Variants in ZNF324 observed in about 807,000 individuals in gnomAD.
The protein encoded by ZNF324 is zinc finger protein 324A.
ZNF324 carries 3 observed loss-of-function variants against 10.3 expected under a neutral mutation model. The observed-to-expected ratio is 0.29, with a 90% confidence interval of 0.13 to 0.75. The LOEUF is 0.75. Among genes scored for constraint, ZNF324 ranks in the 30% least tolerant of loss-of-function variants. ZNF324 has a pLI of 0.69. For missense variants in ZNF324, 763 were observed against 784.4 expected, an observed-to-expected ratio of 0.97 and a Z score of 0.33; for synonymous variants, 430 against 339.5, an observed-to-expected ratio of 1.27 and a Z score of -2.93.
At position 58,472,474 on chromosome 19, in the gene ZNF324, T is replaced by C. The variant is rs114922536; in HGVS notation, c.*320T>C. 8.2e-4 allele frequency: 280 copies of C among 342,492 alleles called. No individual in the cohort carries two copies. The highest frequency in any genetic ancestry group is 5.1e-3 in the African/African-American group (245 of 48,440). 21.2% of individuals were successfully genotyped at this position (342,492 alleles called of 1,614,324 possible). ...TGCACTGTGGTGCGGCTTCATGTGA[T>C]ATGACAGTGGATGCTAAGGTGAGAG... On this transcript the variant is annotated 3_prime_UTR_variant, in exon 4 of 4. Transcript: ENST00000196482.
Position 58,471,407 on chromosome 19 carries a change from C to G in ZNF324, c.915C>G (p.Arg305=). The G allele has an allele frequency of 6.2e-7, 1 of 1,612,888 alleles. No homozygotes were observed. The highest frequency in any genetic ancestry group is 1.1e-5 in the South Asian group (1 of 90,992). ...SQTSHLTQHQ[R]IHSGETPYAC... ...CGTCGCACTTGACGCAGCACCAGCG[C>G]ATCCACAGCGGCGAGACGCCCTACG... Residue 305 remains arginine (R), a synonymous_variant, in exon 4 of 4, where the codon CGC becomes CGG. Transcript: ENST00000196482.
intron 1 of ZNF324, chr19:58,468,209 G>A: frequency 2.0e-6 from 2 of 985,412 alleles, no homozygotes; most frequent in South Asian, 4.7e-5. Context: ...CACTGGACCT[G>A]ACGTTGTTGG....
rs537325408 is a variant in ZNF324 at position 58,470,963 on chromosome 19, C to T, written c.471C>T (p.Ser157=). The T allele has an allele frequency of 1.3e-5, 21 of 1,614,218 alleles. No homozygotes were observed. The highest frequency in any genetic ancestry group is 8.9e-5 in the East Asian group (4 of 44,880). The change falls in exon 4 of 4, where the codon AGC becomes AGT. Residue 157 remains serine, a synonymous_variant. Transcript: ENST00000196482. ...LLLGSGSGQA[S]VSLRLTSPLR... ...TAGGCTCAGGCAGTGGGCAAGCCAG[C>T]GTCAGCCTGCGACTGACCTCCCCGC... is the stretch of plus-strand genomic sequence containing the variant.
In ZNF324 at chr19:58,471,461, G is replaced by T. The variant is rs1003455203; in HGVS notation, c.969G>T (p.Arg323=). The T allele has an allele frequency of 1.3e-6, 2 of 1,599,122 alleles. No individual in the cohort carries two copies. Among genetic ancestry groups the T allele is most frequent in the African/African-American group, 2.7e-5 (2 of 74,322 alleles). ...GCCCCGTGTGCGGCAAGGCCTTCCG[G>T]CATAGCTCCTCGCTGGTGCGGCACC... ...YACPVCGKAF[R]HSSSLVRHQR... The change falls in exon 4 of 4, where the codon CGG becomes CGT. Residue 323 remains arginine (R), a synonymous_variant. Coordinates refer to ENST00000196482, the MANE Select transcript of ZNF324 (RefSeq NM_014347.3).
At chr19:58,469,042 G>A (rs1349704200) in intron 1 of ZNF324, 138 bp from the exon 2 acceptor site, 1 of 1,009,818 alleles carries the variant, frequency 9.9e-7, no homozygotes, top group Non-Finnish European at 1.4e-6. Flanking sequence ...ATTTTTTTTA[G>A]CTCATCAGCT....
At chr19:58,470,250 A>C (rs971394545) in intron 3 of ZNF324, among the ~76,000 whole-genome samples, 1 of 151,976 alleles carries the variant, frequency 6.6e-6, no homozygotes, top group African/African-American at 2.4e-5. Context: ...AATCAGGACG[A>C]CCCTGGTCCT....
At chr19:58,469,048 C>T in intron 1 of ZNF324, 132 bp from the exon 2 acceptor site, 2 of 1,062,574 alleles carry the variant, frequency 1.9e-6, no homozygotes, top group East Asian at 2.5e-5. Flanking sequence ...TTTAGCTCAT[C>T]AGCTGTTATT....
At position 58,471,705 on chromosome 19, in the gene ZNF324, G is replaced by C. The variant is rs779561350; in HGVS notation, c.1213G>C (p.Ala405Pro). 1.2e-6 allele frequency: 2 copies of C among 1,612,574 alleles called. No individual in the cohort carries two copies. The highest frequency in any genetic ancestry group is 1.3e-5 in the African/African-American group (1 of 75,046). The change falls in exon 4 of 4, where the codon GCC becomes CCC. Residue 405 changes from alanine to proline, a missense_variant. By Grantham distance (27) the Ala-to-Pro change is conservative. This residue lies in a region of ZNF324 where 153 missense variants were observed against 269.0 expected (regional missense o/e 0.57). Transcript: ENST00000196482. ...CTTCGTGTGCGCGCTCTGCGGTGCT[G>C]CCTTCAGCCAGGGCTCCTCGCTCTT... ...KPFVCALCGA[A>P]FSQGSSLFKH...
intron 3 of ZNF324, chr19:58,470,460 T>A (rs1271021411): frequency 3.4e-6 from 2 of 588,242 alleles, no homozygotes; most frequent in East Asian, 6.1e-5. Context: ...GTATGCAGCA[T>A]ACAGCAGCCG....
Position 58,469,858 on chromosome 19 carries a change from C to T in ZNF324, c.238+14C>T, listed in dbSNP as rs749893714. The T allele has an allele frequency of 1.3e-5, 21 of 1,588,414 alleles. No homozygotes were observed. In the South Asian group the frequency reaches 2.4e-4, roughly 18 times the overall value. ...GGCGCAACCCTGGTGAGAGGGAGCT[C>T]AGGGTGGGGTGAATTCAGGACCAAC... On this transcript the variant is annotated intron_variant, in intron 3 of 3. Coordinates refer to ENST00000196482, the MANE Select transcript of ZNF324 (RefSeq NM_014347.3).
rs1422687063 is a variant in ZNF324, at chr19:58,474,535, C to T, written c.*2381C>T. Reference sequence around the variant, plus strand: ...AGTTTGTCCACCCTCCTCCAATCTTCCCCTCCCCAAACCCATGACTGATCA... The same window carrying T: ...AGTTTGTCCACCCTCCTCCAATCTTTCCCTCCCCAAACCCATGACTGATCA... On this transcript the variant is annotated 3_prime_UTR_variant, in exon 4 of 4. Transcript: ENST00000196482. 1.3e-5 allele frequency: 2 copies of T among 152,112 alleles called. No individual in the cohort carries two copies. The highest frequency in any genetic ancestry group is 3.9e-4 in the East Asian group (2 of 5,156). 9.4% of individuals were successfully genotyped at this position (152,112 alleles called of 1,614,324 possible).
chr19:58,474,423 G>A lies in ZNF324; in HGVS notation c.*2269G>A, dbSNP rs901531937. ...CTGAGCCCGCCTGACCCCTTAGGCT[G>A]GGCTCAGTACCCTACCTTGTCTTCC... On this transcript the variant is annotated 3_prime_UTR_variant, in exon 4 of 4. Transcript: ENST00000196482. The A allele has an allele frequency of 6.6e-6, 1 of 152,102 alleles. No homozygotes were observed. The highest frequency in any genetic ancestry group is 1.5e-5 in the Non-Finnish European group (1 of 68,048). 9.4% of individuals were successfully genotyped at this position (152,102 alleles called of 1,614,324 possible). A position where few individuals can be genotyped will look rare whatever the true frequency, so the allele number is the denominator to read the frequency against.
In ZNF324 at chr19:58,473,282, C is replaced by T. The variant is rs994037449; in HGVS notation, c.*1128C>T. 6.6e-6 allele frequency: 1 copy of T among 152,646 alleles called. No individual in the cohort carries two copies. Among genetic ancestry groups the T allele is most frequent in the Non-Finnish European group, 1.5e-5 (1 of 68,120 alleles). 9.5% of individuals were successfully genotyped at this position (152,646 alleles called of 1,614,324 possible). On this transcript the variant is annotated 3_prime_UTR_variant, in exon 4 of 4. Transcript: ENST00000196482. The stretch of plus-strand genomic sequence containing the variant: ...CACCCTCCTGAGGACCTCCCCACCC[C>T]AGTGTAATGGCCCTTCATGGCAGGG...
At position 58,472,042 on chromosome 19, in the gene ZNF324, A is replaced by AC. The variant is rs1568613116; in HGVS notation, c.1555dup (p.Gln519ProfsTer116). On this transcript the variant is annotated frameshift_variant, in exon 4 of 4. Coordinates refer to ENST00000196482, the MANE Select transcript of ZNF324 (RefSeq NM_014347.3). LOFTEE classifies it low-confidence loss of function (END_TRUNC). ...GTCCGGCGATCCAGGGCCAGCCTGC[A>AC]CCCCCAGGCCAGGTCTGTTGCCGGG... 1.9e-6 allele frequency: 3 copies of AC among 1,606,214 alleles called. No individual in the cohort carries two copies. The highest frequency in any genetic ancestry group is 2.5e-6 in the Non-Finnish European group (3 of 1,179,492).
chr19:58,472,397 C>T lies in ZNF324; in HGVS notation c.*243C>T, dbSNP rs900262949. ...AGGGGGAGGACGTGGTGGCTGAACT[C>T]TAGTGGGGCCGAGACTATTCAGAGC... On this transcript the variant is annotated 3_prime_UTR_variant, in exon 4 of 4. Transcript: ENST00000196482. 37 of 544,630 alleles carry T rather than the reference C, an allele frequency of 6.8e-5. No individual in the cohort carries two copies. The highest frequency in any genetic ancestry group is 1.3e-4 in the Admixed American group (4 of 31,326). The allele number at this position is 544,630 out of a possible 1,614,324, so 33.7% of individuals were successfully genotyped here. A position where few individuals can be genotyped will look rare whatever the true frequency, so the allele number is the denominator to read the frequency against.
intron 1 of ZNF324, among the ~76,000 whole-genome samples, chr19:58,468,789 G>A (rs1455512487): frequency 6.6e-6 from 1 of 152,120 alleles, no homozygotes; most frequent in Non-Finnish European, 1.5e-5. Flanking sequence ...GGAGGGCAGA[G>A]GGGAGGGGTC....
chr19:58,469,594 CTGTGCCA>C, intron 2 of ZNF324, 127 bp from the exon 3 acceptor site: 1 of 802,836 alleles, frequency 1.2e-6, no homozygotes, highest in Non-Finnish European at 2.0e-6. Context: ...GCCCCTTGCC[CTGTGCCA>C]TCTTTAGATT....
Position 58,473,813 on chromosome 19 carries a change from G to A in ZNF324, c.*1659G>A, listed in dbSNP as rs1248950172. The A allele has an allele frequency of 2.0e-5, 3 of 152,312 alleles. No individual in the cohort carries two copies. Among genetic ancestry groups the A allele is most frequent in the African/African-American group, 4.8e-5 (2 of 41,434 alleles). 9.4% of individuals were successfully genotyped at this position (152,312 alleles called of 1,614,324 possible). ...GTCAGAGGTGGGTTGGGGTAGCCAG[G>A]AGCTGGATGAACTGGGATAGAGTGG... On this transcript the variant is annotated 3_prime_UTR_variant, in exon 4 of 4. Coordinates refer to ENST00000196482, the MANE Select transcript of ZNF324 (RefSeq NM_014347.3).
intron 1 of ZNF324, chr19:58,467,886 C>T (rs186352161): frequency 9.9e-5 from 15 of 151,912 alleles, no homozygotes; most frequent in African/African-American, 3.6e-4. Context: ...TGAACAGAAT[C>T]AGGACATCCT....
Sources: gnomAD v4.1 joint callset for allele counts (sites outside exome capture counted in the v4.1 genomes callset) on GRCh38, gnomAD v4.1.1 for gene constraint, gnomAD v4.1.1 regional missense constraint, MANE v1.5 for transcripts, NCBI Gene and HGNC (gene_info 2026-07-23, HGNC 2026-07-21) for gene names.